CSMD3: variants seen among roughly 807,000 people sequenced by gnomAD.
CSMD3 encodes the protein CUB and Sushi multiple domains 3, also known as CUB and sushi domain-containing protein 3.
In CSMD3, 177 loss-of-function variants were observed where a neutral mutation model predicts 435.2. The ratio of observed to expected loss-of-function variants is 0.41; its 90% CI spans 0.36 to 0.46. The LOEUF (loss-of-function observed/expected upper bound fraction) is 0.46. CSMD3 is among the 20% of genes least tolerant of loss of function. The pLI is 0.34. For missense variants in CSMD3, 4,265 were observed against 4,504.6 expected (o/e 0.95, Z 1.52); for synonymous variants, 1,656 against 1,520.5 (o/e 1.09, Z -2.07).
chr8:112,453,378 A>G (rs1816495809), intron 32 of CSMD3, among the ~76,000 whole-genome samples: 1 of 152,156 alleles, frequency 6.6e-6, no homozygotes, highest in South Asian at 2.1e-4. Flanking sequence ...GAACTCTGCC[A>G]AAATGTACCT....
At chr8:113,096,959 C>T (rs1488050807) in intron 5 of CSMD3, among the ~76,000 whole-genome samples, 1 of 152,036 alleles carries the variant, frequency 6.6e-6, no homozygotes, top group Non-Finnish European at 1.5e-5. Context: ...ACTCTCTAGA[C>T]AGAGTGTAGG....
intron 13 of CSMD3, among the ~76,000 whole-genome samples, chr8:112,742,488 G>T (rs75227589): frequency 1.3e-5 from 2 of 151,648 alleles, no homozygotes; most frequent in Non-Finnish European, 2.9e-5. Flanking sequence ...ATGAGAGTGC[G>T]ATCTGTACAA....
chr8:112,918,934 A>C (rs935040482), intron 10 of CSMD3, among the ~76,000 whole-genome samples: 2 of 151,870 alleles, frequency 1.3e-5, no homozygotes, highest in Admixed American at 6.6e-5. Flanking sequence ...CCAAGAACCC[A>C]TGAGACATGA....
At chr8:113,265,671 T>C (rs959500071) in intron 3 of CSMD3, among the ~76,000 whole-genome samples, 3 of 151,594 alleles carry the variant, frequency 2.0e-5, no homozygotes, top group Non-Finnish European at 4.4e-5. Context: ...GTAAGTTTCT[T>C]TATTTTGAAG....
intron 1 of CSMD3, among the ~76,000 whole-genome samples, chr8:113,340,422 C>T (rs1251186601): frequency 1.3e-5 from 2 of 152,024 alleles, no homozygotes; most frequent in African/African-American, 2.4e-5. Flanking sequence ...TTTAGAGTAA[C>T]CTACATACTT....
chr8:113,145,848 T>C (rs557181251), intron 4 of CSMD3, among the ~76,000 whole-genome samples: 5 of 151,670 alleles, frequency 3.3e-5, no homozygotes, highest in Middle Eastern at 3.4e-3. Flanking sequence ...TTTTTCCCTA[T>C]ATTGACTGCT....
intron 13 of CSMD3, among the ~76,000 whole-genome samples, chr8:112,723,894 G>C (rs1271771581): frequency 6.6e-6 from 1 of 151,916 alleles, no homozygotes; most frequent in African/African-American, 2.4e-5. Context: ...TATGTATTGA[G>C]TACCCACTCT....
At chr8:113,359,995 G>A (rs962924739) in intron 1 of CSMD3, among the ~76,000 whole-genome samples, 10 of 152,126 alleles carry the variant, frequency 6.6e-5, no homozygotes, top group African/African-American at 9.7e-5. Context: ...AAAGGTACAA[G>A]GTGATGTTTA....
intron 68 of CSMD3, among the ~76,000 whole-genome samples, chr8:112,234,152 CCA>C (rs149376663): frequency 3.2e-4 from 47 of 148,934 alleles, no homozygotes; most frequent in African/African-American, 6.9e-4. Context: ...CACCCCACCA[CCA>C]CACACACACA....
Position 112,492,509 on chromosome 8 carries a change from C to G in CSMD3, c.5258G>C (p.Arg1753Thr), listed in dbSNP as rs566327521. The stretch of plus-strand genomic sequence containing the variant: ...CTTACCATGACAACTTGGCAAGGCT[C>G]TATTCCATCCAGGTCTTCCATCATC... Reference protein sequence around the residue: ...MGDDGRPGWNRALPSCHAPCG... With the variant: ...MGDDGRPGWNTALPSCHAPCG... The change falls in exon 31 of 71, where the codon AGA becomes ACA. Residue 1753 changes from arginine to threonine, a missense_variant. Arg to Thr is a moderately conservative substitution (Grantham distance 71). Transcript: ENST00000297405. The G allele has an allele frequency of 6.2e-7, 1 of 1,613,940 alleles. No homozygotes were observed. The highest frequency in any genetic ancestry group is 8.5e-7 in the Non-Finnish European group (1 of 1,179,876).
chr8:113,146,576 A>G lies in CSMD3; in HGVS notation c.709+27146T>C, dbSNP rs80083490. 8.5e-3 allele frequency among the ~76,000 whole-genome samples: 1,290 copies of G among 151,730 alleles called. 21 individuals carry two copies. The highest frequency in any genetic ancestry group is 0.029 in the African/African-American group (1,211 of 41,480). ...AGGTACATTTTATTCAACATTTGGAAGAAGGCAAAGAATATGCATTACCAA... is the reference window on the plus strand; with the variant it reads ...AGGTACATTTTATTCAACATTTGGAGGAAGGCAAAGAATATGCATTACCAA... On this transcript the variant is annotated intron_variant, in intron 4 of 70. Coordinates refer to ENST00000297405, the MANE Select transcript of CSMD3 (RefSeq NM_198123.2).
intron 3 of CSMD3, among the ~76,000 whole-genome samples, chr8:113,270,925 T>A (rs1451925729): frequency 6.6e-6 from 1 of 151,620 alleles, no homozygotes; most frequent in Middle Eastern, 3.2e-3. Context: ...TGTATACATA[T>A]GTAACAAACT....
chr8:112,804,823 C>A (rs1587347823), intron 12 of CSMD3, among the ~76,000 whole-genome samples: 1 of 152,040 alleles, frequency 6.6e-6, no homozygotes, highest in Admixed American at 6.5e-5. Flanking sequence ...CACCACCACA[C>A]CCAGCTAATT....
chr8:113,376,924 A>G, intron 1 of CSMD3: 1 of 1,527,732 alleles, frequency 6.5e-7, no homozygotes, highest in Non-Finnish European at 8.9e-7. Flanking sequence ...TGTGGGGGCC[A>G]TAACGGATGA....
At chr8:113,047,741 C>T (rs1394182012) in intron 5 of CSMD3, among the ~76,000 whole-genome samples, 1 of 152,190 alleles carries the variant, frequency 6.6e-6, no homozygotes. Flanking sequence ...AAATGTATGG[C>T]TCCAGACAGT....
chr8:113,039,877 C>G (rs904889373), intron 5 of CSMD3, among the ~76,000 whole-genome samples: 1 of 152,136 alleles, frequency 6.6e-6, no homozygotes, highest in Non-Finnish European at 1.5e-5. Context: ...TTTTTTCACT[C>G]AACACTCTCT....
chr8:112,593,569 T>A (rs752626034), intron 22 of CSMD3, among the ~76,000 whole-genome samples: 2 of 152,116 alleles, frequency 1.3e-5, no homozygotes, highest in Non-Finnish European at 2.9e-5. Flanking sequence ...ACCCATGAGA[T>A]TGATCTTTTA....
At chr8:112,368,864 C>T (rs56057730) in intron 38 of CSMD3, among the ~76,000 whole-genome samples, 59,660 of 151,670 alleles carry the variant, frequency 0.39, 13,153 homozygotes, top group Middle Eastern at 0.53. Flanking sequence ...ATCTGCCTCA[C>T]AGTAATTTAA....
At chr8:112,570,102 A>T (rs1212046600) in intron 24 of CSMD3, among the ~76,000 whole-genome samples, 1 of 151,126 alleles carries the variant, frequency 6.6e-6, no homozygotes, top group Non-Finnish European at 1.5e-5. Context: ...TAAACACGAA[A>T]TCCTGATGCA....
Sources: gnomAD v4.1 joint callset for allele counts (sites outside exome capture counted in the v4.1 genomes callset) on GRCh38, gnomAD v4.1.1 for gene constraint, MANE v1.5 for transcripts, NCBI Gene and HGNC (gene_info 2026-07-23, HGNC 2026-07-21) for gene names.